The following TAF1A variants were observed in gnomAD, a reference collection of about 807,000 sequenced individuals.
TAF1A encodes TATA box-binding protein-associated factor RNA polymerase I subunit A.
A neutral mutation model predicts 61.6 loss-of-function variants in TAF1A; 42 were observed. The ratio of observed to expected loss-of-function variants is 0.68; its 90% CI spans 0.53 to 0.88. The LOEUF is 0.88. Ranked by LOEUF, TAF1A falls within the 40% of genes least tolerant of loss-of-function variation. The pLI, the probability that TAF1A is intolerant of heterozygous loss-of-function variation, is 0.00. For synonymous variants in TAF1A, 179 were observed against 177.7 expected, an observed-to-expected ratio of 1.01 and a Z score of -0.06; for missense variants, 424 against 518.7, an observed-to-expected ratio of 0.82 and a Z score of 1.77.
At chr1:222,571,995 T>C (rs1322356764) in intron 5 of TAF1A, among the ~76,000 whole-genome samples, 1 of 152,042 alleles carries the variant, frequency 6.6e-6, no homozygotes, top group African/African-American at 2.4e-5. Flanking sequence ...TGTGGGTGGA[T>C]CACCTGAGGT....
chr1:222,567,608 A>G (rs1279164437), intron 7 of TAF1A, among the ~76,000 whole-genome samples: 1 of 152,182 alleles, frequency 6.6e-6, no homozygotes, highest in African/African-American at 2.4e-5. Context: ...AAATGGAGAG[A>G]CATGCCATGT....
At chr1:222,579,347 A>T (rs1294602261) in intron 4 of TAF1A, among the ~76,000 whole-genome samples, 1 of 152,202 alleles carries the variant, frequency 6.6e-6, no homozygotes, top group Non-Finnish European at 1.5e-5. Flanking sequence ...ATGAACTTGG[A>T]GGTGAAGATT....
At chr1:222,569,275 A>G in intron 7 of TAF1A, 3 of 1,427,252 alleles carry the variant, frequency 2.1e-6, no homozygotes, top group Non-Finnish European at 2.7e-6. Flanking sequence ...TATTCCAACC[A>G]GGGTTGCACA....
At chr1:222,569,334 T>C (rs4846766) in intron 7 of TAF1A, 176 bp downstream of exon 7, 906,897 of 1,525,972 alleles carry the variant, frequency 0.59, 273,488 homozygotes, top group East Asian at 0.77. Flanking sequence ...CAGGGGATAG[T>C]GTGGATGATA....
downstream of TAF1A, among the ~76,000 whole-genome samples, chr1:222,554,998 A>G (rs534797831): frequency 1.3e-5 from 2 of 152,364 alleles, no homozygotes; most frequent in South Asian, 4.1e-4. Context: ...GGACCTACAT[A>G]GACACTTCTC....
Position 222,588,466 on chromosome 1 carries a change from A to G in TAF1A, c.98T>C (p.Leu33Pro). Residue 33 changes from leucine (L) to proline (P), a missense_variant, in exon 2 of 11, where the codon CTT becomes CCT. By Grantham distance (98) the Leu-to-Pro change is moderately conservative. Transcript: ENST00000352967. ...LSGAGMHFPWLQTYVETVAIG... is the reference protein window; with the variant it reads ...LSGAGMHFPWPQTYVETVAIG... ...ACCCACAGTTTCTACGTATGTTTGA[A>G]GCCAAGGAAAATGCATTCCTGCACC... 1.9e-6 allele frequency: 3 copies of G among 1,613,860 alleles called. No individual in the cohort carries two copies. Among genetic ancestry groups the G allele is most frequent in the Non-Finnish European group, 2.5e-6 (3 of 1,179,938 alleles).
At chr1:222,579,657 C>T in intron 4 of TAF1A, 102 bp downstream of exon 4, 5 of 1,374,400 alleles carry the variant, frequency 3.6e-6, no homozygotes, top group Non-Finnish European at 5.0e-6. Context: ...ATGTCTTATC[C>T]TTGTCCCACA....
At chr1:222,575,180 A>G (rs1476343180) in intron 5 of TAF1A, among the ~76,000 whole-genome samples, 1 of 152,082 alleles carries the variant, frequency 6.6e-6, no homozygotes, top group East Asian at 1.9e-4. Context: ...GAACTTAGAA[A>G]TGAGGTGATA....
chr1:222,588,787 T>C (rs1325968505), intron 1 of TAF1A, among the ~76,000 whole-genome samples: 3 of 152,152 alleles, frequency 2.0e-5, no homozygotes, highest in East Asian at 1.9e-4. Flanking sequence ...TTCAAGTCCA[T>C]GTAAAGATAA....
rs569283055 is a variant in TAF1A, at chr1:222,571,576, T to C, written c.605-911A>G. Among the ~76,000 whole-genome samples, 278 of 152,026 alleles carry C rather than the reference T, an allele frequency of 1.8e-3. 2 individuals are homozygous for C. Among genetic ancestry groups the C allele is most frequent in the African/African-American group, 3.8e-3 (158 of 41,486 alleles). On this transcript the variant is annotated intron_variant, in intron 5 of 10. Transcript: ENST00000352967. ...TACACAATAATCAACTGTATGTCTA[T>C]ACACTTGCAATGAACAAGCAGAAGA... is the stretch of plus-strand genomic sequence containing the variant.
chr1:222,556,200 C>A (rs577355944), downstream of TAF1A, among the ~76,000 whole-genome samples: 1 of 152,200 alleles, frequency 6.6e-6, no homozygotes, highest in Non-Finnish European at 1.5e-5. Flanking sequence ...CTCAGGCAAG[C>A]GATGTGGGGG....
rs1660879702 is a variant in TAF1A, at chr1:222,583,488, AAG to A, written c.291+638_291+639del. Among the ~76,000 whole-genome samples, 3 of 152,134 alleles carry A rather than the reference AAG, an allele frequency of 2.0e-5. No homozygotes were observed. The South Asian group carries it at 6.2e-4, about 31-fold the overall frequency. ...CAACTCTTTCAAGAAGTTTTGCTGAAAGAGAGTAAAACAATGAAGTATAGTCT... is the reference window on the plus strand; with the variant it reads ...CAACTCTTTCAAGAAGTTTTGCTGAAAGAGTAAAACAATGAAGTATAGTCT... On this transcript the variant is annotated intron_variant, in intron 3 of 10. Transcript: ENST00000352967.
chr1:222,570,699 T>TA, intron 5 of TAF1A, 34 bp from the exon 6 acceptor site: 1 of 1,537,284 alleles, frequency 6.5e-7, no homozygotes, highest in Non-Finnish European at 8.8e-7. Context: ...TAACATTCAT[T>TA]AAACATTGAG....
chr1:222,569,158 G>A, intron 7 of TAF1A: 1 of 764,036 alleles, frequency 1.3e-6, no homozygotes, highest in Non-Finnish European at 1.7e-6. Context: ...GATTACCATG[G>A]TGGTTCATGA....
intron 7 of TAF1A, among the ~76,000 whole-genome samples, chr1:222,565,346 C>T (rs186991258): frequency 1.1e-4 from 16 of 152,244 alleles, no homozygotes; most frequent in African/African-American, 3.6e-4. Context: ...TTCATTAATC[C>T]TCTCTTTTGC....
At chr1:222,563,764 CT>C (rs1660007085) in intron 8 of TAF1A, among the ~76,000 whole-genome samples, 1 of 152,212 alleles carries the variant, frequency 6.6e-6, no homozygotes, top group African/African-American at 2.4e-5. Flanking sequence ...AGCCATTTCT[CT>C]TTTGCAAACT....
At chr1:222,562,502 C>T (rs995308703) in intron 9 of TAF1A, among the ~76,000 whole-genome samples, 4 of 152,124 alleles carry the variant, frequency 2.6e-5, no homozygotes, top group South Asian at 2.1e-4. Context: ...ACTGTCCCAT[C>T]GGGACAAGTC....
Position 222,589,815 on chromosome 1 carries a change from G to A in TAF1A, c.-91C>T, listed in dbSNP as rs1399959794. On this transcript the variant is annotated 5_prime_UTR_variant, in exon 1 of 11. Coordinates refer to ENST00000352967, the MANE Select transcript of TAF1A (RefSeq NM_005681.4). ...AAATTCCCACCGGAAGACGAGTTAG[G>A]AGAGCTTTATATGAGCAGGCGCTAA... 1 of 369,670 alleles carries A rather than the reference G, an allele frequency of 2.7e-6. No individual in the cohort carries two copies. The highest frequency in any genetic ancestry group is 1.5e-4 in the South Asian group (1 of 6,794). The allele number at this position is 369,670 out of a possible 1,614,324, so 22.9% of individuals were successfully genotyped here.
downstream of TAF1A, among the ~76,000 whole-genome samples, chr1:222,557,673 T>A (rs1659752477): frequency 6.6e-6 from 1 of 151,740 alleles, no homozygotes; most frequent in Non-Finnish European, 1.5e-5. Context: ...GCCAGGATGG[T>A]CTCAATCTCT....
Sources: allele counts gnomAD v4.1 joint callset (sites outside exome capture counted in the v4.1 genomes callset), GRCh38; gene constraint gnomAD v4.1.1; transcripts MANE v1.5; gene names NCBI Gene and HGNC (gene_info 2026-07-23, HGNC 2026-07-21).